SHISAL1: variants seen among roughly 807,000 people sequenced by gnomAD.
SHISAL1 encodes shisa like 1.
SHISAL1 carries 9 observed loss-of-function variants against 22.6 expected under a neutral mutation model. That is an observed-to-expected ratio of 0.40 (90% CI 0.24 to 0.70). SHISAL1 has a LOEUF of 0.70. Among genes scored for constraint, SHISAL1 ranks in the 30% least tolerant of loss-of-function variants. SHISAL1 has a pLI of 0.39. For missense variants in SHISAL1, 246 were observed against 270.6 expected (o/e 0.91, Z 0.64); for synonymous variants, 119 against 115.4 (o/e 1.03, Z -0.20).
chr22:44,283,979 T>C (rs1002148468), intron 4 of SHISAL1, among the ~76,000 whole-genome samples: 8 of 152,000 alleles, frequency 5.3e-5, no homozygotes, highest in African/African-American at 1.9e-4. Flanking sequence ...GGGTGGAGGC[T>C]GGCTTCTTCT....
chr22:44,302,231 T>C (rs141927341), intron 1 of SHISAL1, among the ~76,000 whole-genome samples: 1,867 of 151,786 alleles, frequency 0.012, 47 homozygotes, highest in African/African-American at 0.043. Flanking sequence ...TCCCAGCTAC[T>C]TGGGAGGCCA....
chr22:44,283,226 C>G (rs992532680), intron 4 of SHISAL1, among the ~76,000 whole-genome samples: 3 of 152,184 alleles, frequency 2.0e-5, no homozygotes, highest in African/African-American at 7.2e-5. Context: ...TTTTTTCACG[C>G]TCACAGGGTG....
Position 44,285,541 on chromosome 22 carries a change from G to T in SHISAL1, c.486C>A (p.Ala162=). 1.3e-6 allele frequency: 2 copies of T among 1,538,490 alleles called. No individual in the cohort carries two copies. The highest frequency in any genetic ancestry group is 2.2e-5 in the South Asian group (2 of 90,300). ...PARAPRPGQR[A]PQPQPPPGPL... ...GGCCTGGGGGAGGCTGCGGCTGTGGGGCCCGCTGACCCGGCCGAGGGGCCC... is the reference window on the plus strand; with the variant it reads ...GGCCTGGGGGAGGCTGCGGCTGTGGTGCCCGCTGACCCGGCCGAGGGGCCC... The change falls in exon 4 of 5, where the codon GCC becomes GCA. Residue 162 remains alanine (A), a synonymous_variant. Coordinates refer to ENST00000381176, the MANE Select transcript of SHISAL1 (RefSeq NM_001099294.2).
intron 2 of SHISAL1, among the ~76,000 whole-genome samples, chr22:44,300,170 GAT>G (rs2055418132): frequency 6.6e-6 from 1 of 151,756 alleles, no homozygotes; most frequent in South Asian, 2.1e-4. Context: ...GACAGAGAGA[GAT>G]AGAGATACAG....
At chr22:44,329,361 GC>G in the SHISAL1 span, among the ~76,000 whole-genome samples, 1 of 151,964 alleles carries the variant, frequency 6.6e-6, no homozygotes, top group African/African-American at 2.4e-5. Flanking sequence ...AGCAGCACTG[GC>G]CCTGCCCCCT....
At chr22:44,252,056 C>T (rs542610186) in intron 4 of SHISAL1, among the ~76,000 whole-genome samples, 1 of 152,162 alleles carries the variant, frequency 6.6e-6, no homozygotes, top group Non-Finnish European at 1.5e-5. Context: ...ATTTGTGTAA[C>T]TGTAGGACTA....
At chr22:44,328,294 GTAT>G in the SHISAL1 span, among the ~76,000 whole-genome samples, 2 of 152,154 alleles carry the variant, frequency 1.3e-5, no homozygotes, top group South Asian at 4.1e-4. Flanking sequence ...GTGGGGTTAT[GTAT>G]TATTAGCCTC....
chr22:44,318,405 G>A, the SHISAL1 span, among the ~76,000 whole-genome samples: 4 of 152,246 alleles, frequency 2.6e-5, no homozygotes, highest in East Asian at 1.9e-4. Flanking sequence ...GAAAGCAATC[G>A]GGACTGGGAT....
At chr22:44,298,898 T>C (rs917520740) in intron 2 of SHISAL1, among the ~76,000 whole-genome samples, 1 of 152,172 alleles carries the variant, frequency 6.6e-6, no homozygotes, top group African/African-American at 2.4e-5. Context: ...CGATGAAGCC[T>C]CCCCGGCTGC....
At chr22:44,297,140 T>C (rs2055392860) in intron 2 of SHISAL1, among the ~76,000 whole-genome samples, 1 of 152,188 alleles carries the variant, frequency 6.6e-6, no homozygotes, top group Admixed American at 6.5e-5. Context: ...TGAACATGCT[T>C]GACATGCAGC....
rs1209784223 is a variant in SHISAL1 at position 44,286,771 on chromosome 22, G to A, written c.282-1026C>T. Among the ~76,000 whole-genome samples, 4 of 152,204 alleles carry A rather than the reference G, an allele frequency of 2.6e-5. No individual in the cohort carries two copies. In the South Asian group the frequency reaches 6.2e-4, roughly 24 times the overall value. On this transcript the variant is annotated intron_variant, in intron 3 of 4. Transcript: ENST00000381176. ...CAAGTCTCCCCGACCTGTGCCCAGA[G>A]TGGATGGTGTCCAGGGCTTGCCACA...
At position 44,290,593 on chromosome 22, in the gene SHISAL1, C is replaced by T. The variant is rs182948670; in HGVS notation, c.282-4848G>A. Among the ~76,000 whole-genome samples the T allele has an allele frequency of 2.1e-3, 321 of 151,118 alleles. 1 individual carries two copies. The highest frequency in any genetic ancestry group is 7.6e-3 in the African/African-American group (311 of 40,944). ...ATTGGCAGGAGTGGCCTCGGGTCCA[C>T]GAGACAAGGTGGATGACTCTGGCGA... On this transcript the variant is annotated intron_variant, in intron 3 of 4. Transcript: ENST00000381176.
intron 4 of SHISAL1, among the ~76,000 whole-genome samples, chr22:44,280,742 C>CG (rs1183496290): frequency 6.6e-6 from 1 of 151,598 alleles, no homozygotes; most frequent in East Asian, 1.9e-4. Flanking sequence ...GGATGTCAGC[C>CG]CCCATCAGGT....
chr22:44,326,378 TCTC>T, the SHISAL1 span, among the ~76,000 whole-genome samples: 1 of 152,032 alleles, frequency 6.6e-6, no homozygotes, highest in East Asian at 1.9e-4. Context: ...AATGCAAATC[TCTC>T]CTCCGCGGCA....
Position 44,245,219 on chromosome 22 carries a change from A to C in SHISAL1, c.*4466T>G, listed in dbSNP as rs563923048. On this transcript the variant is annotated 3_prime_UTR_variant, in exon 5 of 5. Transcript: ENST00000381176. ...CTAGATTTTCACAGCAGACGAAAAC[A>C]ACCCACGTGGATGTCTCCCTACAGT... 2 of 152,344 alleles carry C rather than the reference A, an allele frequency of 1.3e-5. No homozygotes were observed. Among genetic ancestry groups the C allele is most frequent in the African/African-American group, 4.8e-5 (2 of 41,578 alleles). The allele number at this position is 152,344 out of a possible 1,614,324, so 9.4% of individuals were successfully genotyped here. A position where few individuals can be genotyped will look rare whatever the true frequency, so the allele number is the denominator to read the frequency against.
intron 3 of SHISAL1, among the ~76,000 whole-genome samples, chr22:44,295,001 G>A (rs1476258530): frequency 1.3e-5 from 2 of 152,116 alleles, no homozygotes; most frequent in African/African-American, 4.8e-5. Context: ...TCAATCCTTG[G>A]GTTAACCTAT....
chr22:44,277,846 G>T lies in SHISAL1; in HGVS notation c.599+7582C>A, dbSNP rs146934497. Among the ~76,000 whole-genome samples the T allele has an allele frequency of 6.6e-5, 10 of 152,298 alleles. No homozygotes were observed. The East Asian group carries it at 1.7e-3, about 26-fold the overall frequency. On this transcript the variant is annotated intron_variant, in intron 4 of 4. Transcript: ENST00000381176. ...TTCCATCACACGAGAGGCTCGACGGGACATAATGTTGAATTAAAAACCCAA... is the reference window on the plus strand; with the variant it reads ...TTCCATCACACGAGAGGCTCGACGGTACATAATGTTGAATTAAAAACCCAA...
In SHISAL1 at chr22:44,285,300, A is replaced by G. The variant is rs2055305090; in HGVS notation, c.599+128T>C. Reference sequence around the variant, plus strand: ...TAACAGTTTGAAATTTTTCTTGGCAAACAACAAGATAAGCAAACAATCAGG... The same window carrying G: ...TAACAGTTTGAAATTTTTCTTGGCAGACAACAAGATAAGCAAACAATCAGG... On this transcript the variant is annotated intron_variant, in intron 4 of 4. Coordinates refer to ENST00000381176, the MANE Select transcript of SHISAL1 (RefSeq NM_001099294.2). 10 of 1,056,118 alleles carry G rather than the reference A, an allele frequency of 9.5e-6. No homozygotes were observed. In the South Asian group the frequency reaches 1.4e-4, roughly 15 times the overall value. 65.4% of individuals were successfully genotyped at this position (1,056,118 alleles called of 1,614,324 possible).
intron 4 of SHISAL1, among the ~76,000 whole-genome samples, chr22:44,263,268 G>A (rs1275624738): frequency 6.6e-6 from 1 of 151,844 alleles, no homozygotes; most frequent in Non-Finnish European, 1.5e-5. Flanking sequence ...ATGGGGTTTT[G>A]CCATGTTGGC....
Sources: gnomAD v4.1 joint callset for allele counts (sites outside exome capture counted in the v4.1 genomes callset) on GRCh38, gnomAD v4.1.1 for gene constraint, MANE v1.5 for transcripts, NCBI Gene and HGNC (gene_info 2026-07-23, HGNC 2026-07-21) for gene names.